TBC1D5: variants seen among roughly 807,000 people sequenced by gnomAD.
TBC1D5 encodes the protein TBC1 domain family, member 5.
TBC1D5 carries 75 observed loss-of-function variants against 100.3 expected under a neutral mutation model. The ratio of observed to expected loss-of-function variants is 0.75; its 90% CI spans 0.62 to 0.91. The LOEUF (loss-of-function observed/expected upper bound fraction) is 0.91. Ranked by LOEUF, TBC1D5 falls within the 40% of genes least tolerant of loss-of-function variation. The probability of loss-of-function intolerance (pLI) is 0.00; values close to 1 mark genes in which losing one functional copy is unlikely to be tolerated. For missense variants in TBC1D5, 910 were observed against 942.4 expected (o/e 0.97, Z 0.45); for synonymous variants, 323 against 325.6 (o/e 0.99, Z 0.09).
chr3:17,554,290 C>T lies in TBC1D5; in HGVS notation c.-35-45685G>A, dbSNP rs1488775922. ...TTTTAAAGGAACTCACCCGAAACAT[C>T]GTTTGGAAATAATCTTTCAAATAAA... On this transcript the variant is annotated intron_variant, in intron 2 of 21. Coordinates refer to ENST00000253692, the Ensembl canonical transcript of TBC1D5. Among the ~76,000 whole-genome samples the T allele has an allele frequency of 7.2e-5, 11 of 152,286 alleles. No individual in the cohort carries two copies. The East Asian group carries it at 1.2e-3, about 16-fold the overall frequency.
intron 2 of TBC1D5, among the ~76,000 whole-genome samples, chr3:17,546,609 A>C (rs2153435986): frequency 7.2e-6 from 1 of 139,482 alleles, no homozygotes; most frequent in South Asian, 2.2e-4. Flanking sequence ...ACTAAAATAC[A>C]AAAAAAAAAA....
chr3:17,452,056 G>A (rs780892207), intron 3 of TBC1D5, among the ~76,000 whole-genome samples: 4 of 151,912 alleles, frequency 2.6e-5, no homozygotes, highest in South Asian at 2.1e-4. Context: ...TTTTAATTGC[G>A]TGTTTGTTTA....
intron 13 of TBC1D5, among the ~76,000 whole-genome samples, chr3:17,340,259 C>T (rs1279612745): frequency 6.6e-6 from 1 of 152,134 alleles, no homozygotes. Context: ...CCAGGTCTTG[C>T]CTGCAAATGT....
intron 3 of TBC1D5, among the ~76,000 whole-genome samples, chr3:17,472,375 T>G (rs1205150802): frequency 6.6e-6 from 1 of 152,094 alleles, no homozygotes; most frequent in African/African-American, 2.4e-5. Flanking sequence ...CTTGACCTCA[T>G]GATCCGCCCA....
Position 17,449,084 on chromosome 3 carries a change from G to A in TBC1D5, c.98-20565C>T, listed in dbSNP as rs147938824. 2.1e-3 allele frequency among the ~76,000 whole-genome samples: 319 copies of A among 152,296 alleles called. 1 individual carries two copies. The highest frequency in any genetic ancestry group is 7.0e-3 in the African/African-American group (290 of 41,566). On this transcript the variant is annotated intron_variant, in intron 3 of 21. Transcript: ENST00000253692. The stretch of plus-strand genomic sequence containing the variant: ...TTAGAAAGTGGGTGCAGCCCACCGA[G>A]GGTGAGCAGAAGCAGCATGGGGCAC...
intron 14 of TBC1D5, among the ~76,000 whole-genome samples, chr3:17,297,665 C>T (rs747623607): frequency 1.3e-5 from 2 of 152,058 alleles, no homozygotes; most frequent in Non-Finnish European, 2.9e-5. Flanking sequence ...TCAATGAAGC[C>T]TTGACCTCCT....
At chr3:17,268,394 TCTC>T (rs1406753442) in intron 15 of TBC1D5, among the ~76,000 whole-genome samples, 1 of 151,972 alleles carries the variant, frequency 6.6e-6, no homozygotes, top group Non-Finnish European at 1.5e-5. Flanking sequence ...AAGATTTTGG[TCTC>T]CTTTCTAGAA....
intron 1 of TBC1D5, among the ~76,000 whole-genome samples, chr3:17,678,008 G>T (rs1426818583): frequency 1.3e-5 from 2 of 152,126 alleles, no homozygotes; most frequent in African/African-American, 4.8e-5. Context: ...GGGGTAGGGG[G>T]AGGGATAGCA....
chr3:17,365,599 G>A (rs1443271662), intron 13 of TBC1D5, among the ~76,000 whole-genome samples: 1 of 152,136 alleles, frequency 6.6e-6, no homozygotes, highest in Non-Finnish European at 1.5e-5. Flanking sequence ...TGAAAGATCT[G>A]GAGCTCATTT....
At chr3:17,376,141 G>A (rs112711266) in intron 10 of TBC1D5, among the ~76,000 whole-genome samples, 12 of 152,184 alleles carry the variant, frequency 7.9e-5, no homozygotes, top group African/African-American at 2.9e-4. Flanking sequence ...ACCTGATGAG[G>A]AGAGATAATC....
chr3:17,601,115 C>T (rs1184164443), intron 2 of TBC1D5, among the ~76,000 whole-genome samples: 5 of 152,190 alleles, frequency 3.3e-5, no homozygotes, highest in Non-Finnish European at 5.9e-5. Flanking sequence ...AGATTGGTCA[C>T]CTATTCTAAA....
intron 1 of TBC1D5, among the ~76,000 whole-genome samples, chr3:17,681,375 T>G (rs1485614618): frequency 6.6e-6 from 1 of 151,648 alleles, no homozygotes; most frequent in Non-Finnish European, 1.5e-5. Flanking sequence ...ATGTATGTTC[T>G]AAACACAAAA....
chr3:17,456,643 C>T (rs2095091284), intron 3 of TBC1D5, among the ~76,000 whole-genome samples: 1 of 152,048 alleles, frequency 6.6e-6, no homozygotes, highest in African/African-American at 2.4e-5. Flanking sequence ...CAAAAGACAG[C>T]CAATAACAAA....
chr3:17,702,525 T>C (rs1431951569), intron 1 of TBC1D5, among the ~76,000 whole-genome samples: 1 of 151,964 alleles, frequency 6.6e-6, no homozygotes, highest in Non-Finnish European at 1.5e-5. Context: ...ATACATAAAT[T>C]GAATGTAACA....
chr3:17,313,718 G>A (rs1483123980), intron 13 of TBC1D5, among the ~76,000 whole-genome samples: 3 of 152,122 alleles, frequency 2.0e-5, no homozygotes. Context: ...ACACTAAGCT[G>A]AGAAATATCA....
At chr3:17,220,057 G>A (rs763087230) in intron 17 of TBC1D5, among the ~76,000 whole-genome samples, 3 of 152,106 alleles carry the variant, frequency 2.0e-5, no homozygotes, top group Non-Finnish European at 4.4e-5. Context: ...ACACTCTTGA[G>A]TAGTCATTTA....
intron 13 of TBC1D5, among the ~76,000 whole-genome samples, chr3:17,314,600 C>T (rs1460741000): frequency 1.3e-5 from 2 of 152,160 alleles, no homozygotes; most frequent in Non-Finnish European, 2.9e-5. Flanking sequence ...GTACCACCAC[C>T]TGGCAGCTTG....
chr3:17,307,437 C>A (rs187414750), intron 14 of TBC1D5, among the ~76,000 whole-genome samples: 3 of 152,120 alleles, frequency 2.0e-5, no homozygotes, highest in African/African-American at 7.2e-5. Flanking sequence ...ACTGGCTTTC[C>A]GGTTATTACA....
chr3:17,697,375 T>C (rs1264183503), intron 1 of TBC1D5, among the ~76,000 whole-genome samples: 1 of 152,078 alleles, frequency 6.6e-6, no homozygotes, highest in Non-Finnish European at 1.5e-5. Flanking sequence ...CAGCCCAAAA[T>C]CTCCTTAAGC....
Sources: gnomAD v4.1 joint callset for allele counts (sites outside exome capture counted in the v4.1 genomes callset) on GRCh38, gnomAD v4.1.1 for gene constraint, MANE v1.5 for transcripts, NCBI Gene and HGNC (gene_info 2026-07-23, HGNC 2026-07-21) for gene names.